The following GFRA1 variants were observed in gnomAD, a reference collection of about 807,000 sequenced individuals.
GFRA1 encodes the protein GDNF family receptor alpha-1.
Under a neutral mutation model 51.6 loss-of-function variants are expected in GFRA1, and 16 were observed. The ratio of observed to expected loss-of-function variants is 0.31; its 90% CI spans 0.21 to 0.47. The LOEUF is 0.47. Among genes scored for constraint, GFRA1 ranks in the 20% least tolerant of loss-of-function variants. The pLI, the probability that GFRA1 is intolerant of heterozygous loss-of-function variation, is 1.00. For missense variants in GFRA1, 530 were observed against 594.3 expected (o/e 0.89, Z 1.13); for synonymous variants, 270 against 241.3 (o/e 1.12, Z -1.10).
At chr10:116,248,620 A>G (rs1433976804) in intron 4 of GFRA1, among the ~76,000 whole-genome samples, 2 of 152,192 alleles carry the variant, frequency 1.3e-5, no homozygotes, top group African/African-American at 4.8e-5. Context: ...CTTGCTTTAG[A>G]ACTGTGGAGT....
At chr10:116,260,367 C>T (rs563041817) in intron 4 of GFRA1, among the ~76,000 whole-genome samples, 1 of 152,260 alleles carries the variant, frequency 6.6e-6, no homozygotes, top group South Asian at 2.1e-4. Flanking sequence ...CACATGTGAG[C>T]AGGCAGATAT....
intron 9 of GFRA1, among the ~76,000 whole-genome samples, chr10:116,074,604 G>C (rs1203091921): frequency 6.6e-6 from 1 of 152,196 alleles, no homozygotes; most frequent in Non-Finnish European, 1.5e-5. Context: ...GTGCCTCTCT[G>C]AGGTCCCTGC....
At chr10:116,198,907 T>C (rs1375368473) in intron 5 of GFRA1, among the ~76,000 whole-genome samples, 1 of 152,142 alleles carries the variant, frequency 6.6e-6, no homozygotes, top group African/African-American at 2.4e-5. Context: ...TGGATTAGGG[T>C]AAGCCCTAAA....
At chr10:116,085,945 C>A (rs1223220147) in intron 9 of GFRA1, among the ~76,000 whole-genome samples, 1 of 152,194 alleles carries the variant, frequency 6.6e-6, no homozygotes, top group Admixed American at 6.5e-5. Context: ...CTTTCTTATT[C>A]TTTCCTTCTT....
intron 4 of GFRA1, among the ~76,000 whole-genome samples, chr10:116,241,429 A>G (rs1967367251): frequency 6.6e-6 from 1 of 152,180 alleles, no homozygotes; most frequent in Non-Finnish European, 1.5e-5. Flanking sequence ...CTGACATAAA[A>G]ATGCGTGGTC....
At chr10:116,178,546 G>GA (rs1961884167) in intron 5 of GFRA1, among the ~76,000 whole-genome samples, 1 of 152,202 alleles carries the variant, frequency 6.6e-6, no homozygotes. Context: ...ATTGGGTGCA[G>GA]AAAACACATT....
At position 116,092,692 on chromosome 10, in the gene GFRA1, C is replaced by T. The variant is rs927686926; in HGVS notation, c.1015+1010G>A. Reference sequence around the variant, plus strand: ...CACTTCAGATCCTAACTCTGGCATGCGAGGCTTATGTGAATTACCAGGCTT... The same window carrying T: ...CACTTCAGATCCTAACTCTGGCATGTGAGGCTTATGTGAATTACCAGGCTT... On this transcript the variant is annotated intron_variant, in intron 8 of 10. Transcript: ENST00000355422. 2.6e-5 allele frequency among the ~76,000 whole-genome samples: 4 copies of T among 152,102 alleles called. No homozygotes were observed. In the East Asian group the frequency reaches 7.7e-4, roughly 29 times the overall value.
intron 5 of GFRA1, among the ~76,000 whole-genome samples, chr10:116,206,133 G>A (rs1299436022): frequency 1.3e-5 from 2 of 152,080 alleles, no homozygotes; most frequent in Non-Finnish European, 2.9e-5. Flanking sequence ...AAGTGTTCAC[G>A]CATTTTTCTC....
intron 5 of GFRA1, among the ~76,000 whole-genome samples, chr10:116,202,766 C>G (rs10885876): frequency 0.27 from 41,035 of 151,974 alleles, 5,845 homozygotes; most frequent in South Asian, 0.43. Flanking sequence ...CCCTCATGAT[C>G]TAATCACCTC....
At chr10:116,258,006 A>C (rs184954786) in intron 4 of GFRA1, among the ~76,000 whole-genome samples, 38 of 152,292 alleles carry the variant, frequency 2.5e-4, no homozygotes, top group African/African-American at 8.7e-4. Context: ...AAGCCAGCTT[A>C]AAAGTCCCCT....
intron 4 of GFRA1, among the ~76,000 whole-genome samples, chr10:116,237,424 T>G (rs1966959701): frequency 6.6e-6 from 1 of 152,200 alleles, no homozygotes; most frequent in South Asian, 2.1e-4. Context: ...ACAGCTGCTA[T>G]GTGGCAGAGG....
At chr10:116,124,253 G>T (rs1212330361) in intron 6 of GFRA1, among the ~76,000 whole-genome samples, 1 of 146,098 alleles carries the variant, frequency 6.8e-6, no homozygotes, top group Non-Finnish European at 1.5e-5. Context: ...TTTTAAGACA[G>T]ATTTTCACTC....
chr10:116,242,752 G>A (rs934228818), intron 4 of GFRA1, among the ~76,000 whole-genome samples: 9 of 152,142 alleles, frequency 5.9e-5, no homozygotes, highest in African/African-American at 7.2e-5. Context: ...AAAGTGCCAG[G>A]ATTACAGGCA....
chr10:116,128,210 T>A lies in GFRA1; in HGVS notation c.434-2653A>T, dbSNP rs1957954004. ...AAATAATATTATCTCTTACACTCAA[T>A]TAATGTTATTAGCCTGCATTTCATT... On this transcript the variant is annotated intron_variant, in intron 5 of 10. Transcript: ENST00000355422. 2.0e-5 allele frequency among the ~76,000 whole-genome samples: 3 copies of A among 152,224 alleles called. No individual in the cohort carries two copies. In the South Asian group the frequency reaches 6.2e-4, roughly 31 times the overall value.
chr10:116,097,805 C>G (rs1393956433), intron 6 of GFRA1, among the ~76,000 whole-genome samples: 9 of 152,144 alleles, frequency 5.9e-5, no homozygotes, highest in African/African-American at 2.2e-4. Context: ...ATAACCAGAG[C>G]TGTTTTACTT....
Position 116,272,437 on chromosome 10 carries a change from C to T in GFRA1, c.-246-162G>A, listed in dbSNP as rs1348216644. 3.5e-5 allele frequency: 11 copies of T among 310,790 alleles called. No homozygotes were observed. The highest frequency in any genetic ancestry group is 6.2e-5 in the Non-Finnish European group (10 of 161,638). The allele number at this position is 310,790 out of a possible 1,614,324, so 19.3% of individuals were successfully genotyped here. ...GGTGCATGTGCGTGTTTTCCAGGGG[C>T]CGCTGACACGGGGATGGAGGTGAGG... On this transcript the variant is annotated intron_variant, in intron 1 of 10. Coordinates refer to ENST00000355422, the MANE Select transcript of GFRA1 (RefSeq NM_005264.8). This position sits in a 1 kb window ranked among gnomAD's most constrained non-coding sequence, Gnocchi z 4.4.
At chr10:116,217,705 G>A (rs746594107) in intron 4 of GFRA1, among the ~76,000 whole-genome samples, 1 of 152,132 alleles carries the variant, frequency 6.6e-6, no homozygotes, top group Non-Finnish European at 1.5e-5. Flanking sequence ...CTGCCTGTGT[G>A]ATCTTGGGCA....
chr10:116,203,128 G>A (rs953123953), intron 5 of GFRA1, among the ~76,000 whole-genome samples: 3 of 152,254 alleles, frequency 2.0e-5, no homozygotes, highest in African/African-American at 7.2e-5. Flanking sequence ...TCGTCAATGA[G>A]TGGCCACACC....
At chr10:116,244,519 T>C (rs934593534) in intron 4 of GFRA1, among the ~76,000 whole-genome samples, 9 of 148,372 alleles carry the variant, frequency 6.1e-5, no homozygotes, top group Non-Finnish European at 1.5e-5. Flanking sequence ...TATAAAAATA[T>C]ATAAAGTTCC....
Sources: gnomAD v4.1 joint callset for allele counts (sites outside exome capture counted in the v4.1 genomes callset) on GRCh38, gnomAD v4.1.1 for gene constraint, Gnocchi (gnomAD v3.1) non-coding constraint, MANE v1.5 for transcripts, NCBI Gene and HGNC (gene_info 2026-07-23, HGNC 2026-07-21) for gene names.